The following SLC36A1 variants were observed in gnomAD, a reference collection of about 807,000 sequenced individuals.
SLC36A1 encodes the protein proton-coupled amino acid transporter 1.
In SLC36A1, 30 loss-of-function variants were observed where a neutral mutation model predicts 47.5. The observed-to-expected ratio is 0.63, with a 90% CI of 0.47 to 0.86. SLC36A1 has a LOEUF of 0.86. Ranked by LOEUF, SLC36A1 falls within the 40% of genes least tolerant of loss-of-function variation. SLC36A1 has a pLI of 0.00. For synonymous variants in SLC36A1, 255 were observed against 249.7 expected (o/e 1.02, Z -0.20); for missense variants, 517 against 606.0 (o/e 0.85, Z 1.54).
chr5:151,443,735 A>T (rs1752762850), upstream of SLC36A1, among the ~76,000 whole-genome samples: 1 of 152,202 alleles, frequency 6.6e-6, no homozygotes, highest in South Asian at 2.1e-4. Flanking sequence ...CAAAAAAATC[A>T]TTGCCAAGGC....
the SLC36A1 span, chr5:151,545,187 G>A: frequency 1.9e-6 from 3 of 1,614,074 alleles, no homozygotes; most frequent in Non-Finnish European, 1.7e-6. Flanking sequence ...TGTCCTGCAA[G>A]TTCTCCTTCA....
chr5:151,506,478 C>T, the SLC36A1 span, among the ~76,000 whole-genome samples: 1 of 151,742 alleles, frequency 6.6e-6, no homozygotes, highest in South Asian at 2.1e-4. Context: ...GACTCACTCA[C>T]AGGTGTGATG....
At chr5:151,391,222 T>C in the SLC36A1 span, among the ~76,000 whole-genome samples, 5 of 152,210 alleles carry the variant, frequency 3.3e-5, no homozygotes, top group African/African-American at 1.2e-4. Context: ...TATTGGTGTA[T>C]AAGAATGCTT....
the SLC36A1 span, among the ~76,000 whole-genome samples, chr5:151,555,482 G>A: frequency 2.7e-5 from 4 of 146,082 alleles, no homozygotes; most frequent in Non-Finnish European, 6.0e-5. Context: ...GTGCTTCTCC[G>A]CCTCAGCCTC....
chr5:151,525,361 A>G, the SLC36A1 span, among the ~76,000 whole-genome samples: 8 of 152,188 alleles, frequency 5.3e-5, no homozygotes, highest in Non-Finnish European at 1.2e-4. Flanking sequence ...TCTCTGAGGT[A>G]GGTTGTTTTA....
At chr5:151,371,973 A>G in the SLC36A1 span, among the ~76,000 whole-genome samples, 1 of 152,158 alleles carries the variant, frequency 6.6e-6, no homozygotes, top group African/African-American at 2.4e-5. Flanking sequence ...TTTTAATAGC[A>G]CATTAACAAC....
chr5:151,383,364 A>T, the SLC36A1 span, among the ~76,000 whole-genome samples: 1 of 152,136 alleles, frequency 6.6e-6, no homozygotes, highest in East Asian at 1.9e-4. Context: ...GGTCTGCAGT[A>T]TTGTAGCCTC....
the SLC36A1 span, among the ~76,000 whole-genome samples, chr5:151,410,761 G>T: frequency 6.9e-6 from 1 of 144,228 alleles, no homozygotes; most frequent in East Asian, 2.4e-4. Context: ...ATATTTTATA[G>T]TCTCATGCTA....
At position 151,479,410 on chromosome 5, in the gene SLC36A1, C is replaced by A; in HGVS notation, c.1080C>A (p.Pro360=). ...QFYVPAEIII[P]FFVSRAPEHC... is the part of the protein sequence containing the mutation. ...ACGTCCCGGCTGAGATCATCATCCC[C>A]TTCTTTGTGTCCCGAGCGCCCGAGC... is the stretch of plus-strand genomic sequence containing the variant. Residue 360 remains proline, a synonymous_variant, in exon 10 of 11, where the codon CCC becomes CCA. Transcript: ENST00000243389. The A allele has an allele frequency of 6.2e-7, 1 of 1,614,232 alleles. No homozygotes were observed. The highest frequency in any genetic ancestry group is 8.5e-7 in the Non-Finnish European group (1 of 1,180,028).
At chr5:151,473,561 A>G (rs1425547698) in intron 7 of SLC36A1, 112 bp from the exon 8 acceptor site, 1 of 688,126 alleles carries the variant, frequency 1.5e-6, no homozygotes. Context: ...TTCTTCCTTT[A>G]GAGAATCTTG....
At chr5:151,376,387 C>T in the SLC36A1 span, among the ~76,000 whole-genome samples, 11 of 151,868 alleles carry the variant, frequency 7.2e-5, no homozygotes, top group Non-Finnish European at 4.4e-5. Flanking sequence ...TTTGTTGATC[C>T]TTTTTATCTT....
chr5:151,462,453 C>T (rs1370158657), intron 2 of SLC36A1, among the ~76,000 whole-genome samples: 1 of 151,936 alleles, frequency 6.6e-6, no homozygotes, highest in Non-Finnish European at 1.5e-5. Flanking sequence ...CAACCTCTGC[C>T]TCCCGGATTC....
the SLC36A1 span, among the ~76,000 whole-genome samples, chr5:151,404,207 C>T: frequency 6.6e-6 from 1 of 152,084 alleles, no homozygotes; most frequent in Non-Finnish European, 1.5e-5. Flanking sequence ...GGTTTTAAGT[C>T]TGTTTTATCT....
At chr5:151,346,791 AGT>A in the SLC36A1 span, among the ~76,000 whole-genome samples, 1 of 152,118 alleles carries the variant, frequency 6.6e-6, no homozygotes, top group South Asian at 2.1e-4. Flanking sequence ...CTTTCCACAA[AGT>A]GTGTTTTTTA....
At chr5:151,455,453 C>G (rs1423446475) in intron 1 of SLC36A1, among the ~76,000 whole-genome samples, 2 of 151,996 alleles carry the variant, frequency 1.3e-5, no homozygotes, top group Non-Finnish European at 2.9e-5. Context: ...GAGAAGTTTT[C>G]TTAGCAATAT....
the SLC36A1 span, among the ~76,000 whole-genome samples, chr5:151,513,296 A>C: frequency 6.6e-6 from 1 of 152,226 alleles, no homozygotes; most frequent in African/African-American, 2.4e-5. Flanking sequence ...ATACACTCAT[A>C]TGTTGATTGC....
At chr5:151,421,572 C>T in the SLC36A1 span, among the ~76,000 whole-genome samples, 1 of 143,652 alleles carries the variant, frequency 7.0e-6, no homozygotes, top group Non-Finnish European at 1.5e-5. Context: ...TTTTCTTTTT[C>T]TTTCTTTCTT....
the SLC36A1 span, chr5:151,554,230 C>CT: frequency 2.4e-6 from 2 of 834,294 alleles, no homozygotes; most frequent in Non-Finnish European, 1.8e-6. Flanking sequence ...CCCAGTTTCT[C>CT]TGGGAGAAGG....
At position 151,467,805 on chromosome 5, in the gene SLC36A1, C is replaced by T; in HGVS notation, c.603C>T (p.Phe201=). Residue 201 remains phenylalanine (F), a synonymous_variant, in exon 7 of 11, where the codon TTC becomes TTT. Transcript: ENST00000243389. ...ACTCGCGACTCTACATGCTCTCCTTCCTGCCCTTCCTGGTGCTGCTGGTTT... is the reference window on the plus strand; with the variant it reads ...ACTCGCGACTCTACATGCTCTCCTTTCTGCCCTTCCTGGTGCTGCTGGTTT... ...TMDSRLYMLS[F]LPFLVLLVFI... is the part of the protein sequence containing the mutation. 18 of 1,614,078 alleles carry T rather than the reference C, an allele frequency of 1.1e-5. No homozygotes were observed. Among genetic ancestry groups the T allele is most frequent in the Non-Finnish European group, 1.5e-5 (18 of 1,180,004 alleles).
Sources: gnomAD v4.1 joint callset for allele counts (sites outside exome capture counted in the v4.1 genomes callset) on GRCh38, gnomAD v4.1.1 for gene constraint, MANE v1.5 for transcripts, NCBI Gene and HGNC (gene_info 2026-07-23, HGNC 2026-07-21) for gene names.